Variants in EVC2 observed in about 807,000 individuals in gnomAD.
EVC2 encodes the protein limbin.
A neutral mutation model predicts 149.3 loss-of-function variants in EVC2; 148 were observed. The observed-to-expected ratio is 0.99, with a 90% CI of 0.87 to 1.14. The LOEUF (loss-of-function observed/expected upper bound fraction) is 1.14, where lower values mean the gene tolerates loss of function less well. Among genes scored for constraint, EVC2 ranks in the 50% most tolerant of loss-of-function variants. The pLI, the probability that EVC2 is intolerant of heterozygous loss-of-function variation, is 0.00. For synonymous variants in EVC2, 776 were observed against 649.9 expected, an observed-to-expected ratio of 1.19 and a Z score of -2.95; for missense variants, 1,854 against 1,627.3, an observed-to-expected ratio of 1.14 and a Z score of -2.40.
intron 6 of EVC2, among the ~76,000 whole-genome samples, chr4:5,682,270 C>A (rs918592498): frequency 2.0e-4 from 31 of 152,186 alleles, no homozygotes; most frequent in Admixed American, 1.8e-3. Context: ...GCAAGTGGAT[C>A]ACCTGAGGTC....
Position 5,576,357 on chromosome 4 carries a change from G to C in EVC2, c.3155C>G (p.Ala1052Gly). The change falls in exon 18 of 22, where the codon GCC (alanine) becomes GGC (glycine). Residue 1052 changes from alanine (A) to glycine (G), a missense_variant. Transcript: ENST00000344408. The surrounding 1 kb of genome is among the most constrained non-coding windows in gnomAD (Gnocchi z 4.5). ...QALASWQQWV[A>G]DGPGILNEPG... ...TTCGTTCAGAATCCCGGGCCCATCG[G>C]CCACCCACTGCTGCCAGCTCGCCAG... The C allele has an allele frequency of 6.2e-7, 1 of 1,614,148 alleles. No individual in the cohort carries two copies. Among genetic ancestry groups the C allele is most frequent in the Admixed American group, 1.7e-5 (1 of 60,020 alleles).
intron 1 of EVC2, among the ~76,000 whole-genome samples, chr4:5,700,211 T>A (rs1006454918): frequency 6.6e-6 from 1 of 152,160 alleles, no homozygotes; most frequent in East Asian, 1.9e-4. Flanking sequence ...AGAGGAGGTA[T>A]ATGTGAACTT....
At position 5,670,504 on chromosome 4, in the gene EVC2, A is replaced by C. The variant is rs1348856490; in HGVS notation, c.871-4855T>G. Among the ~76,000 whole-genome samples the C allele has an allele frequency of 6.6e-6, 1 of 151,938 alleles. No individual in the cohort carries two copies. Among genetic ancestry groups the C allele is most frequent in the East Asian group, 1.9e-4 (1 of 5,170 alleles). On this transcript the variant is annotated intron_variant, in intron 7 of 21. Coordinates refer to ENST00000344408, the MANE Select transcript of EVC2 (RefSeq NM_147127.5). This position sits in a 1 kb window ranked among gnomAD's most constrained non-coding sequence, Gnocchi z 5.2. Reference sequence around the variant, plus strand: ...CCCCACCATCACCATCACCACCATCACCATCGCCACCACGATTATCAACAT... The same window carrying C: ...CCCCACCATCACCATCACCACCATCCCCATCGCCACCACGATTATCAACAT...
intron 10 of EVC2, among the ~76,000 whole-genome samples, chr4:5,635,236 C>T (rs573845402): frequency 6.8e-4 from 104 of 151,962 alleles, no homozygotes; most frequent in African/African-American, 2.4e-3. Flanking sequence ...GGGATTTCAC[C>T]ATGTTGGCCA....
At chr4:5,552,224 A>G (rs866607275) in intron 21 of EVC2, among the ~76,000 whole-genome samples, 2 of 152,200 alleles carry the variant, frequency 1.3e-5, no homozygotes, top group Non-Finnish European at 2.9e-5. Flanking sequence ...TCTTATATGT[A>G]TATACACACA....
At chr4:5,708,246 A>C in intron 1 of EVC2, 40 bp downstream of exon 1, 1 of 1,451,824 alleles carries the variant, frequency 6.9e-7, no homozygotes, top group Admixed American at 2.6e-5. Flanking sequence ...AAGTCAAACC[A>C]CTACAGTCAG....
At chr4:5,596,764 A>T (rs565498756) in intron 16 of EVC2, among the ~76,000 whole-genome samples, 9 of 152,330 alleles carry the variant, frequency 5.9e-5, no homozygotes, top group African/African-American at 2.2e-4. Context: ...CCCTTCAAAA[A>T]ATCAATGAAT....
chr4:5,665,762 G>T, intron 7 of EVC2, 113 bp from the exon 8 acceptor site: 1 of 1,498,488 alleles, frequency 6.7e-7, no homozygotes, highest in Non-Finnish European at 9.1e-7. Flanking sequence ...GGACTCGCTT[G>T]CATTTGAGTC....
At position 5,640,736 on chromosome 4, in the gene EVC2, G is replaced by A; in HGVS notation, c.1248C>T (p.Ser416=). The change falls in exon 10 of 22, where the codon AGC becomes AGT. Residue 416 remains serine, a synonymous_variant. Coordinates refer to ENST00000344408, the MANE Select transcript of EVC2 (RefSeq NM_147127.5). This position sits in a 1 kb window ranked among gnomAD's most constrained non-coding sequence, Gnocchi z 4.6. The stretch of plus-strand genomic sequence containing the variant: ...CTACTTGGGGTGAGAGGTGGCCACT[G>A]CTGGTGAGATTTTTCAGCAGAAGGG... ...IIALLLKNLT[S]SGHLSPQVER... is the part of the protein sequence containing the mutation. 6.2e-7 allele frequency: 1 copy of A among 1,614,118 alleles called. No homozygotes were observed. The highest frequency in any genetic ancestry group is 8.5e-7 in the Non-Finnish European group (1 of 1,180,020).
At chr4:5,598,410 T>C (rs1338163304) in intron 16 of EVC2, among the ~76,000 whole-genome samples, 67 of 150,778 alleles carry the variant, frequency 4.4e-4, no homozygotes, top group African/African-American at 1.5e-3. Flanking sequence ...TCAGAAATAA[T>C]GCCGCATATC....
rs942790199 is a variant in EVC2 at position 5,569,548 on chromosome 4, T to A, written c.3361-908A>T. On this transcript the variant is annotated intron_variant, in intron 19 of 21. Coordinates refer to ENST00000344408, the MANE Select transcript of EVC2 (RefSeq NM_147127.5). The surrounding 1 kb of genome is among the most constrained non-coding windows in gnomAD (Gnocchi z 4.8). ...GGCTCACATCTGTAATCCCAGCACT[T>A]TGGACAGCTGGAGAGGAAAAGAGGC... Among the ~76,000 whole-genome samples the A allele has an allele frequency of 6.6e-6, 1 of 152,040 alleles. No homozygotes were observed. The highest frequency in any genetic ancestry group is 1.5e-5 in the Non-Finnish European group (1 of 68,004).
chr4:5,685,872 G>A (rs1305184880), intron 5 of EVC2, among the ~76,000 whole-genome samples: 1 of 152,154 alleles, frequency 6.6e-6, no homozygotes, highest in African/African-American at 2.4e-5. Context: ...AGGACTGGAG[G>A]CCTTCGCCTG....
At chr4:5,706,140 AGTCTT>A (rs1259360447) in intron 1 of EVC2, among the ~76,000 whole-genome samples, 1 of 151,836 alleles carries the variant, frequency 6.6e-6, no homozygotes, top group African/African-American at 2.4e-5. Flanking sequence ...CCATCCTTCA[AGTCTT>A]GACTGACCTT....
chr4:5,596,283 A>G (rs1713409795), intron 16 of EVC2, among the ~76,000 whole-genome samples: 1 of 152,176 alleles, frequency 6.6e-6, no homozygotes, highest in South Asian at 2.1e-4. Context: ...TCAGCACCAC[A>G]CCACACCTGT....
At chr4:5,595,073 A>C (rs535072905) in intron 16 of EVC2, among the ~76,000 whole-genome samples, 1 of 152,344 alleles carries the variant, frequency 6.6e-6, no homozygotes, top group Non-Finnish European at 1.5e-5. Context: ...CTATGTGAAA[A>C]GACCAAATGT....
In EVC2 at chr4:5,690,415, T is replaced by TG. The variant is rs1560229419; in HGVS notation, c.519+849_519+850insC. On this transcript the variant is annotated intron_variant, in intron 4 of 21. Coordinates refer to ENST00000344408, the MANE Select transcript of EVC2 (RefSeq NM_147127.5). ...ACAGTGTGGGTTGTTGTTTTTTTTT[T>TG]TTTTTTTAATATGCCTGGGTCCTTT... Among the ~76,000 whole-genome samples, 12 of 151,698 alleles carry TG rather than the reference T, an allele frequency of 7.9e-5. No individual in the cohort carries two copies. The East Asian group carries it at 2.1e-3, about 27-fold the overall frequency.
downstream of EVC2, among the ~76,000 whole-genome samples, chr4:5,560,212 G>A (rs1381916785): frequency 6.6e-6 from 1 of 152,018 alleles, no homozygotes; most frequent in Non-Finnish European, 1.5e-5. The surrounding 1 kb of genome is among the most constrained non-coding windows in gnomAD (Gnocchi z 4.1). Flanking sequence ...TCTCTCATGA[G>A]TAGGCTTCTG....
At chr4:5,698,378 C>G (rs1423344284) in intron 1 of EVC2, among the ~76,000 whole-genome samples, 2 of 152,112 alleles carry the variant, frequency 1.3e-5, no homozygotes, top group African/African-American at 4.8e-5. Flanking sequence ...TGGACTCTAG[C>G]TGGAACCATT....
At chr4:5,560,377 G>T (rs1482888124), downstream of EVC2, among the ~76,000 whole-genome samples, 1 of 152,154 alleles carries the variant, frequency 6.6e-6, no homozygotes, top group Non-Finnish European at 1.5e-5. The surrounding 1 kb of genome is among the most constrained non-coding windows in gnomAD (Gnocchi z 4.1). Context: ...CACATGACTG[G>T]GAAGGCCTCA....
Sources: allele counts gnomAD v4.1 joint callset (sites outside exome capture counted in the v4.1 genomes callset), GRCh38; gene constraint gnomAD v4.1.1; non-coding constraint Gnocchi (gnomAD v3.1); transcripts MANE v1.5; gene names NCBI Gene and HGNC (gene_info 2026-07-23, HGNC 2026-07-21).